The following LAPTM4B variants were observed in gnomAD, a reference collection of about 807,000 sequenced individuals.
LAPTM4B encodes the protein lysosomal-associated transmembrane protein 4B.
A neutral mutation model predicts 28.5 loss-of-function variants in LAPTM4B; 26 were observed. The ratio of observed to expected loss-of-function variants is 0.91; its 90% CI spans 0.67 to 1.27. LAPTM4B has a LOEUF of 1.27. Ranked by LOEUF, LAPTM4B falls within the 50% of genes most tolerant of loss-of-function variation. The pLI, the probability that LAPTM4B is intolerant of heterozygous loss-of-function variation, is 0.00. For missense variants in LAPTM4B, 288 were observed against 285.8 expected (o/e 1.01, Z -0.06); for synonymous variants, 109 against 106.4 (o/e 1.02, Z -0.15).
intron 1 of LAPTM4B, among the ~76,000 whole-genome samples, chr8:97,780,720 G>A (rs183591650): frequency 7.3e-4 from 111 of 152,230 alleles, no homozygotes; most frequent in African/African-American, 1.7e-3. Context: ...AAATCCCATG[G>A]TTGGTTTATG....
chr8:97,783,171 A>T (rs1286190878), intron 1 of LAPTM4B, among the ~76,000 whole-genome samples: 1 of 150,356 alleles, frequency 6.7e-6, no homozygotes, highest in Non-Finnish European at 1.5e-5. Flanking sequence ...GACACTGTTC[A>T]CAGGGTAGTT....
At chr8:97,827,978 C>T (rs1016386434) in intron 6 of LAPTM4B, among the ~76,000 whole-genome samples, 2 of 152,094 alleles carry the variant, frequency 1.3e-5, no homozygotes, top group Non-Finnish European at 2.9e-5. Context: ...TAAGCTAAGA[C>T]GGCAGCTAGC....
At chr8:97,792,347 C>T (rs182929260) in intron 1 of LAPTM4B, among the ~76,000 whole-genome samples, 3 of 152,198 alleles carry the variant, frequency 2.0e-5, no homozygotes, top group East Asian at 3.9e-4. Flanking sequence ...CCTTGACCTC[C>T]TGGGCTCCAG....
intron 6 of LAPTM4B, among the ~76,000 whole-genome samples, chr8:97,828,051 G>A (rs2513961): frequency 0.076 from 11,566 of 152,196 alleles, 991 homozygotes; most frequent in East Asian, 0.36. Flanking sequence ...AGGCCTTCTG[G>A]ATGTATACGT....
intron 5 of LAPTM4B, 127 bp from the exon 6 acceptor site, chr8:97,824,931 G>T (rs1817070661): frequency 1.8e-6 from 1 of 561,234 alleles, no homozygotes; most frequent in African/African-American, 1.9e-5. Flanking sequence ...GTTTAGTAGA[G>T]CTGTTATAAT....
chr8:97,830,706 C>T (rs900864880), intron 6 of LAPTM4B, among the ~76,000 whole-genome samples: 4 of 152,080 alleles, frequency 2.6e-5, no homozygotes, highest in East Asian at 1.9e-4. Context: ...GTTCTGTAGA[C>T]GGACCGTGGT....
At chr8:97,776,584 C>T (rs961809250) in intron 1 of LAPTM4B, among the ~76,000 whole-genome samples, 1 of 152,240 alleles carries the variant, frequency 6.6e-6, no homozygotes, top group Non-Finnish European at 1.5e-5. Flanking sequence ...AATGCTCGTT[C>T]TCCCTGGCCG....
intron 2 of LAPTM4B, among the ~76,000 whole-genome samples, chr8:97,810,372 A>G (rs982744263): frequency 7.7e-6 from 1 of 130,290 alleles, no homozygotes; most frequent in Non-Finnish European, 1.7e-5. Flanking sequence ...GTAAAATTCA[A>G]ATTAGTTGTA....
chr8:97,840,324 A>G (rs2129844406), intron 6 of LAPTM4B, among the ~76,000 whole-genome samples: 1 of 152,396 alleles, frequency 6.6e-6, no homozygotes, highest in Non-Finnish European at 1.5e-5. Flanking sequence ...TTTGAGTACA[A>G]TCTGTATCAA....
At chr8:97,849,178 C>T (rs1423889681) in intron 6 of LAPTM4B, among the ~76,000 whole-genome samples, 4 of 152,220 alleles carry the variant, frequency 2.6e-5, no homozygotes, top group African/African-American at 9.6e-5. Flanking sequence ...ATCCTCTTTA[C>T]TGCACACCTG....
intron 6 of LAPTM4B, among the ~76,000 whole-genome samples, chr8:97,841,668 G>C (rs1465086511): frequency 6.6e-6 from 1 of 152,112 alleles, no homozygotes; most frequent in Non-Finnish European, 1.5e-5. Flanking sequence ...CTGATTATTC[G>C]ATCCCAAATG....
chr8:97,779,638 AT>A (rs1228824925), intron 1 of LAPTM4B, among the ~76,000 whole-genome samples: 1 of 151,254 alleles, frequency 6.6e-6, no homozygotes, highest in African/African-American at 2.4e-5. Flanking sequence ...TACAAAAATT[AT>A]TCGGTCGTGG....
intron 1 of LAPTM4B, among the ~76,000 whole-genome samples, chr8:97,781,834 C>T (rs1472171954): frequency 6.6e-6 from 1 of 152,100 alleles, no homozygotes; most frequent in Non-Finnish European, 1.5e-5. Flanking sequence ...TGGAGTGTTG[C>T]TTTTTATTGC....
chr8:97,799,035 C>A (rs1269277320), intron 1 of LAPTM4B, among the ~76,000 whole-genome samples: 2 of 152,054 alleles, frequency 1.3e-5, no homozygotes, highest in African/African-American at 2.4e-5. Context: ...TTTCTGTGTT[C>A]TTTGCTTGTA....
chr8:97,783,747 G>A (rs138555407), intron 1 of LAPTM4B, among the ~76,000 whole-genome samples: 32 of 152,194 alleles, frequency 2.1e-4, no homozygotes, highest in African/African-American at 7.5e-4. Context: ...AGGCCTTTCC[G>A]TCCCTCCCTC....
At chr8:97,807,485 C>T (rs989661278) in intron 2 of LAPTM4B, among the ~76,000 whole-genome samples, 3 of 152,054 alleles carry the variant, frequency 2.0e-5, no homozygotes, top group Non-Finnish European at 2.9e-5. Context: ...GGGGCCTGGC[C>T]CATAGGAAGT....
At chr8:97,814,489 A>C (rs939554138) in intron 2 of LAPTM4B, among the ~76,000 whole-genome samples, 5 of 152,056 alleles carry the variant, frequency 3.3e-5, no homozygotes, top group African/African-American at 7.2e-5. Flanking sequence ...GTCCCACTGC[A>C]TTCCAGCCTG....
At position 97,775,997 on chromosome 8, in the gene LAPTM4B, T is replaced by C. The variant is rs747205379; in HGVS notation, c.-13T>C. 3.8e-5 allele frequency: 59 copies of C among 1,567,952 alleles called. No homozygotes were observed. The highest frequency in any genetic ancestry group is 1.8e-4 in the Middle Eastern group (1 of 5,506). ...AAACTTGCGCGCGCGCTCGCGCCAC[T>C]GCGCCCGGAGCGATGAAGATGGTCG... is the stretch of plus-strand genomic sequence containing the variant. On this transcript the variant is annotated 5_prime_UTR_variant, in exon 1 of 7. Transcript: ENST00000521545.
At chr8:97,815,930 A>G (rs1250234546) in intron 3 of LAPTM4B, 128 bp from the exon 4 acceptor site, 4 of 871,206 alleles carry the variant, frequency 4.6e-6, no homozygotes, top group Non-Finnish European at 6.9e-6. Context: ...ACTGGTTTCC[A>G]CCATGACCTG....
Sources: gnomAD v4.1 joint callset for allele counts (sites outside exome capture counted in the v4.1 genomes callset) on GRCh38, gnomAD v4.1.1 for gene constraint, MANE v1.5 for transcripts, NCBI Gene and HGNC (gene_info 2026-07-23, HGNC 2026-07-21) for gene names.